MYCBP2: variants seen among roughly 807,000 people sequenced by gnomAD.
MYCBP2 encodes MYC binding protein 2.
A neutral mutation model predicts 525.3 loss-of-function variants in MYCBP2; 120 were observed. That is an observed-to-expected ratio of 0.23 (90% confidence interval 0.20 to 0.27). MYCBP2 has a LOEUF of 0.27. Among genes scored for constraint, MYCBP2 ranks in the 10% least tolerant of loss-of-function variants. The probability of loss-of-function intolerance (pLI) is 1.00; values close to 1 mark genes in which losing one functional copy is unlikely to be tolerated. For synonymous variants in MYCBP2, 1,894 were observed against 1,955.8 expected (o/e 0.97, Z 0.83); for missense variants, 4,149 against 5,657.1 (o/e 0.73, Z 8.55).
At chr13:77,171,932 G>T (rs898516923) in intron 37 of MYCBP2, among the ~76,000 whole-genome samples, 3 of 152,068 alleles carry the variant, frequency 2.0e-5, no homozygotes, top group African/African-American at 7.2e-5. Context: ...ACAGAGTCTT[G>T]CTCTGTCGCC....
At chr13:77,198,672 A>G (rs1278794054) in intron 26 of MYCBP2, among the ~76,000 whole-genome samples, 1 of 152,246 alleles carries the variant, frequency 6.6e-6, no homozygotes, top group Non-Finnish European at 1.5e-5. Flanking sequence ...TTGGATACGA[A>G]TAGGTGTGGT....
chr13:77,181,054 T>C (rs2060173396), intron 33 of MYCBP2, among the ~76,000 whole-genome samples: 2 of 152,236 alleles, frequency 1.3e-5, no homozygotes, highest in East Asian at 3.8e-4. Context: ...TACACACATA[T>C]GATTCCTATG....
intron 1 of MYCBP2, among the ~76,000 whole-genome samples, chr13:77,313,318 TAAAG>T (rs1313977471): frequency 3.3e-5 from 5 of 151,600 alleles, no homozygotes; most frequent in African/African-American, 2.4e-5. Context: ...AAAGTAAACT[TAAAG>T]AAAGTAGAAA....
At chr13:77,287,373 C>T (rs2076981362) in intron 3 of MYCBP2, among the ~76,000 whole-genome samples, 2 of 151,530 alleles carry the variant, frequency 1.3e-5, no homozygotes, top group Non-Finnish European at 2.9e-5. Flanking sequence ...TTAGTAGAGA[C>T]AGGGTTTCAC....
In MYCBP2 at chr13:77,095,516, A is replaced by G; in HGVS notation, c.10041T>C (p.Asn3347=). The G allele has an allele frequency of 6.2e-7, 1 of 1,613,604 alleles. No individual in the cohort carries two copies. Among genetic ancestry groups the G allele is most frequent in the Non-Finnish European group, 8.5e-7 (1 of 1,179,728 alleles). Reference sequence around the variant, plus strand: ...TGCTCAGGGACAGCAGGAAGAGTGCATTGGCTTTAATCACCTGGTGAGCTT... The same window carrying G: ...TGCTCAGGGACAGCAGGAAGAGTGCGTTGGCTTTAATCACCTGGTGAGCTT... The part of the protein sequence containing the change: ...TMEAHQVIKA[N]ALFLLSLSSA... Residue 3347 remains asparagine (N), a synonymous_variant, in exon 58 of 83, where the codon AAT becomes AAC. Transcript: ENST00000544440.
At position 77,131,543 on chromosome 13, in the gene MYCBP2, T is replaced by C. The variant is rs188611676; in HGVS notation, c.7660-5001A>G. The stretch of plus-strand genomic sequence containing the variant: ...ACACACACACACACACACACACACT[T>C]GAATAGTGTTCTTTGGAAATTTAGA... On this transcript the variant is annotated intron_variant, in intron 52 of 82. Coordinates refer to ENST00000544440, the MANE Select transcript of MYCBP2 (RefSeq NM_015057.5). Among the ~76,000 whole-genome samples, 27 of 131,470 alleles carry C rather than the reference T, an allele frequency of 2.1e-4. 1 individual carries two copies. The highest frequency in any genetic ancestry group is 7.2e-4 in the African/African-American group (27 of 37,436). 86.2% of individuals were successfully genotyped at this position (131,470 alleles called of 152,430 possible). A position where few individuals can be genotyped will look rare whatever the true frequency, so the allele number is the denominator to read the frequency against.
In MYCBP2 at chr13:77,270,067, C is replaced by CA. The variant is rs772274414; in HGVS notation, c.1189-5dup. 1.3e-4 allele frequency: 211 copies of CA among 1,580,706 alleles called. No homozygotes were observed. The highest frequency in any genetic ancestry group is 3.0e-4 in the African/African-American group (22 of 72,302). ...ATGTAGAATTGTATATATGGCCCTGCAAAAAAAACAAAAGTTAGTATATCA... is the reference window on the plus strand; with the variant it reads ...ATGTAGAATTGTATATATGGCCCTGCAAAAAAAAACAAAAGTTAGTATATCA... On this transcript the variant is annotated splice_region_variant and splice_polypyrimidine_tract_variant and intron_variant, in intron 6 of 82. Coordinates refer to ENST00000544440, the MANE Select transcript of MYCBP2 (RefSeq NM_015057.5).
Position 77,263,703 on chromosome 13 carries a change from T to G in MYCBP2, c.1518A>C (p.Leu506Phe). ...ELQLKLARKC[L>F]HACGISLFDL... ...CGAATAGTGAGATACCACAGGCATG[T>G]AAGCATTTTCTAGCCAGTTTAAGTT... The change falls in exon 10 of 83, where the codon TTA (leucine) becomes TTC (phenylalanine). Residue 506 changes from leucine (L) to phenylalanine (F), a missense_variant. By Grantham distance (22) the Leu-to-Phe change is conservative. Coordinates refer to ENST00000544440, the MANE Select transcript of MYCBP2 (RefSeq NM_015057.5). 1 of 1,613,108 alleles carries G rather than the reference T, an allele frequency of 6.2e-7. No homozygotes were observed. Among genetic ancestry groups the G allele is most frequent in the Non-Finnish European group, 8.5e-7 (1 of 1,179,338 alleles).
intron 17 of MYCBP2, among the ~76,000 whole-genome samples, chr13:77,238,034 G>T (rs758360415): frequency 1.3e-5 from 2 of 151,994 alleles, no homozygotes; most frequent in African/African-American, 4.8e-5. Context: ...ACAAGGTCAG[G>T]AGATTGAGGC....
intron 26 of MYCBP2, among the ~76,000 whole-genome samples, chr13:77,203,699 T>C (rs1328420058): frequency 1.3e-5 from 2 of 152,108 alleles, no homozygotes; most frequent in Non-Finnish European, 2.9e-5. Context: ...AAAACAGAGA[T>C]ATAGATCAAT....
At chr13:77,160,792 T>C (rs1270417339) in intron 44 of MYCBP2, among the ~76,000 whole-genome samples, 2 of 152,196 alleles carry the variant, frequency 1.3e-5, no homozygotes, top group Non-Finnish European at 2.9e-5. Flanking sequence ...CTCTGATCCA[T>C]GGCAGAATTA....
At chr13:77,320,619 C>T (rs1265977006) in intron 1 of MYCBP2, among the ~76,000 whole-genome samples, 1 of 151,846 alleles carries the variant, frequency 6.6e-6, no homozygotes, top group Admixed American at 6.6e-5. Flanking sequence ...ATTACTTGTT[C>T]TTTACAAATG....
intron 49 of MYCBP2, 34 bp downstream of exon 49, chr13:77,144,411 A>G (rs1826014555): frequency 1.4e-6 from 2 of 1,406,854 alleles, no homozygotes; most frequent in African/African-American, 2.8e-5. Context: ...AGTTATTTGA[A>G]GTAAGTAGTA....
intron 26 of MYCBP2, among the ~76,000 whole-genome samples, chr13:77,203,079 C>G (rs1453403131): frequency 6.6e-6 from 1 of 151,684 alleles, no homozygotes; most frequent in Admixed American, 6.6e-5. Flanking sequence ...AAAGGGTATT[C>G]AATTAGGAAA....
At chr13:77,204,951 T>C (rs985053915) in intron 26 of MYCBP2, among the ~76,000 whole-genome samples, 1 of 148,662 alleles carries the variant, frequency 6.7e-6, no homozygotes, top group African/African-American at 2.5e-5. Context: ...TAATGCTAGA[T>C]GACAAGTTCG....
At chr13:77,260,369 T>C in intron 13 of MYCBP2, 59 bp downstream of exon 13, 1 of 1,192,250 alleles carries the variant, frequency 8.4e-7, no homozygotes, top group South Asian at 1.7e-5. Flanking sequence ...TATGTCTTTG[T>C]CATACATAAC....
intron 27 of MYCBP2, 102 bp downstream of exon 27, chr13:77,194,051 A>G: frequency 1.6e-6 from 1 of 636,120 alleles, no homozygotes; most frequent in Non-Finnish European, 2.6e-6. Flanking sequence ...TGATATTCAT[A>G]GCAGATTTAA....
intron 22 of MYCBP2, among the ~76,000 whole-genome samples, chr13:77,211,582 A>C (rs2064014294): frequency 6.6e-6 from 1 of 152,184 alleles, no homozygotes; most frequent in South Asian, 2.1e-4. Flanking sequence ...CAGATTGATA[A>C]CTTGGTCTTC....
intron 7 of MYCBP2, among the ~76,000 whole-genome samples, chr13:77,268,693 C>T (rs2074432889): frequency 1.3e-5 from 2 of 151,824 alleles, no homozygotes; most frequent in African/African-American, 2.4e-5. Context: ...GCAAGAGAAT[C>T]GCCTGAACCT....
Sources: gnomAD v4.1 joint callset for allele counts (sites outside exome capture counted in the v4.1 genomes callset) on GRCh38, gnomAD v4.1.1 for gene constraint, MANE v1.5 for transcripts, NCBI Gene and HGNC (gene_info 2026-07-23, HGNC 2026-07-21) for gene names.